Variants in CYP2F1 observed in about 807,000 individuals in gnomAD.
CYP2F1 encodes cytochrome P450 family 2 subfamily F member 1, also known as cytochrome P450 2F1.
Under a neutral mutation model 40.4 loss-of-function variants are expected in CYP2F1, and 33 were observed. That is an observed-to-expected ratio of 0.82 (90% CI 0.62 to 1.09). The LOEUF (loss-of-function observed/expected upper bound fraction) is 1.09, where lower values mean the gene tolerates loss of function less well. Ranked by LOEUF, CYP2F1 falls within the 50% of genes least tolerant of loss-of-function variation. The pLI, the probability that CYP2F1 is intolerant of heterozygous loss-of-function variation, is 0.00. For synonymous variants in CYP2F1, 235 were observed against 277.2 expected (o/e 0.85, Z 1.51); for missense variants, 566 against 655.7 (o/e 0.86, Z 1.49).
chr19:41,126,437 A>G (rs1267746684), intron 9 of CYP2F1, among the ~76,000 whole-genome samples: 1 of 151,378 alleles, frequency 6.6e-6, no homozygotes, highest in Non-Finnish European at 1.5e-5. Flanking sequence ...AAAAATGAAT[A>G]AATAATAATT....
chr19:41,119,212 T>C (rs2031993307), intron 3 of CYP2F1, among the ~76,000 whole-genome samples: 1 of 152,212 alleles, frequency 6.6e-6, no homozygotes, highest in South Asian at 2.1e-4. Context: ...TGTGCAAAGA[T>C]TCTGGGTCCA....
intron 6 of CYP2F1, 117 bp from the exon 7 acceptor site, chr19:41,122,705 C>T: frequency 1.8e-6 from 2 of 1,108,058 alleles, no homozygotes; most frequent in Non-Finnish European, 2.5e-6. Flanking sequence ...CCAGCTCTCC[C>T]AGGGAAAGAA....
chr19:41,125,447 C>T, intron 8 of CYP2F1, 46 bp from the exon 9 acceptor site: 2 of 1,072,742 alleles, frequency 1.9e-6, no homozygotes, highest in Non-Finnish European at 2.7e-6. Context: ...GTTTGGGAGC[C>T]TCCCAGCCCT....
chr19:41,122,785 A>T (rs1328298893), intron 6 of CYP2F1, 37 bp from the exon 7 acceptor site: 28 of 1,512,608 alleles, frequency 1.9e-5, no homozygotes, highest in Admixed American at 2.3e-5. Flanking sequence ...AGGGGCCTCC[A>T]TTCCTGGCTC....
At chr19:41,120,288 G>C in intron 3 of CYP2F1, 59 bp from the exon 4 acceptor site, 1 of 1,496,204 alleles carries the variant, frequency 6.7e-7, no homozygotes, top group Non-Finnish European at 9.0e-7. Flanking sequence ...AGGGGACCTG[G>C]GTGGCAGTGG....
intron 3 of CYP2F1, among the ~76,000 whole-genome samples, chr19:41,118,471 G>GTACAATAT (rs11282025): frequency 0.1 from 15,711 of 151,750 alleles, 962 homozygotes; most frequent in Middle Eastern, 0.16. Context: ...GAGAGCTCTG[G>GTACAATAT]TACAATATTA....
In CYP2F1 at chr19:41,128,112, G is replaced by A. The variant is rs780218552; in HGVS notation, c.*30G>A. 6.3e-7 allele frequency: 1 copy of A among 1,585,468 alleles called. No individual in the cohort carries two copies. Among genetic ancestry groups the A allele is most frequent in the Non-Finnish European group, 8.6e-7 (1 of 1,165,664 alleles). ...CCGGCCCTTCCAGATTCGCCTGTGA[G>A]CGATGAGGCCCGCCCATGCGGGTTG... On this transcript the variant is annotated 3_prime_UTR_variant, in exon 10 of 10. Transcript: ENST00000331105.
intron 7 of CYP2F1, among the ~76,000 whole-genome samples, 167 bp from the exon 8 acceptor site, chr19:41,124,552 C>T (rs1427641739): frequency 6.6e-6 from 1 of 152,160 alleles, no homozygotes; most frequent in African/African-American, 2.4e-5. Flanking sequence ...CGTGAGCCAC[C>T]GCGCCCGGCC....
chr19:41,128,147 C>T lies in CYP2F1; in HGVS notation c.*65C>T. On this transcript the variant is annotated 3_prime_UTR_variant, in exon 10 of 10. Coordinates refer to ENST00000331105, the MANE Select transcript of CYP2F1 (RefSeq NM_000774.5). ...CCGCCCATGCGGGTTGCTACGTCCC[C>T]TTCTTGGTCCACAGTCTGCCCTCAT... The T allele has an allele frequency of 1.3e-6, 2 of 1,494,410 alleles. No homozygotes were observed. The highest frequency in any genetic ancestry group is 1.8e-6 in the Non-Finnish European group (2 of 1,106,532). 92.6% of individuals were successfully genotyped at this position (1,494,410 alleles called of 1,614,324 possible).
At chr19:41,122,162 A>T in intron 6 of CYP2F1, 29 bp downstream of exon 6, 1 of 1,533,648 alleles carries the variant, frequency 6.5e-7, no homozygotes, top group Non-Finnish European at 8.9e-7. Context: ...TCCCACCTCT[A>T]GTCTGACCTG....
At chr19:41,119,723 C>CTCTATATATATA (rs1478574507) in intron 3 of CYP2F1, among the ~76,000 whole-genome samples, 5 of 35,826 alleles carry the variant, frequency 1.4e-4, no homozygotes, top group Non-Finnish European at 2.1e-4. Flanking sequence ...CTCTCTCTCT[C>CTCTATATATATA]TATATATATA....
Position 41,121,581 on chromosome 19 carries a change from A to G in CYP2F1, c.608A>G (p.Asn203Ser), listed in dbSNP as rs143213883. 190 of 1,610,324 alleles carry G rather than the reference A, an allele frequency of 1.2e-4. 14 individuals carry two copies. In the African/African-American group the frequency reaches 2.5e-3, roughly 21 times the overall value. ...CTGCTCACCATTATCCGCCTTATCAATGACAACTTCCAAATCATGAGCAGC... is the reference window on the plus strand; with the variant it reads ...CTGCTCACCATTATCCGCCTTATCAGTGACAACTTCCAAATCATGAGCAGC... Reference protein sequence around the residue: ...ERLLTIIRLINDNFQIMSSPW... With the variant: ...ERLLTIIRLISDNFQIMSSPW... Residue 203 changes from asparagine to serine, a missense_variant, in exon 5 of 10, where the codon AAT (asparagine) becomes AGT (serine). Asn to Ser is a conservative substitution (Grantham distance 46, BLOSUM62 1). Around this residue, in one of 5 missense-constraint regions of CYP2F1, gnomAD observed 264 missense variants for 275.7 expected, o/e 0.96. Coordinates refer to ENST00000331105, the MANE Select transcript of CYP2F1 (RefSeq NM_000774.5).
At position 41,120,781 on chromosome 19, in the gene CYP2F1, C is replaced by T. The variant is rs530927410; in HGVS notation, c.484+285C>T. ...ATAGGCATACACCACCATGTCTGGC[C>T]AGGTCTTTGAATCCAGTTCATCCTT... is the stretch of plus-strand genomic sequence containing the variant. On this transcript the variant is annotated intron_variant, in intron 4 of 9. Coordinates refer to ENST00000331105, the MANE Select transcript of CYP2F1 (RefSeq NM_000774.5). 2.9e-4 allele frequency among the ~76,000 whole-genome samples: 44 copies of T among 152,002 alleles called. No homozygotes were observed. In the Middle Eastern group the frequency reaches 0.01, roughly 35 times the overall value.
At chr19:41,124,219 G>A (rs1014518684) in intron 7 of CYP2F1, among the ~76,000 whole-genome samples, 1 of 139,892 alleles carries the variant, frequency 7.1e-6, no homozygotes, top group African/African-American at 2.8e-5. Context: ...CCCAGACCCT[G>A]GCTAATTCTT....
chr19:41,121,841 C>T lies in CYP2F1; in HGVS notation c.646-116C>T, dbSNP rs931814598. On this transcript the variant is annotated intron_variant, in intron 5 of 9. Coordinates refer to ENST00000331105, the MANE Select transcript of CYP2F1 (RefSeq NM_000774.5). Reference sequence around the variant, plus strand: ...TCCCCCTCAGCCCCAACCCCCACCCCGGACCTGGCTGCCCTTTGAGACCCT... The same window carrying T: ...TCCCCCTCAGCCCCAACCCCCACCCTGGACCTGGCTGCCCTTTGAGACCCT... The T allele has an allele frequency of 2.3e-5, 24 of 1,061,564 alleles. 1 individual carries two copies. The highest frequency in any genetic ancestry group is 2.1e-4 in the African/African-American group (10 of 47,688). 65.8% of individuals were successfully genotyped at this position (1,061,564 alleles called of 1,614,324 possible).
At chr19:41,122,556 C>G (rs1307861544) in intron 6 of CYP2F1, among the ~76,000 whole-genome samples, 1 of 151,674 alleles carries the variant, frequency 6.6e-6, no homozygotes, top group Non-Finnish European at 1.5e-5. Flanking sequence ...ATCATACATA[C>G]ATACACACAT....
At chr19:41,125,206 G>C in intron 8 of CYP2F1, 4 of 593,710 alleles carry the variant, frequency 6.7e-6, no homozygotes, top group East Asian at 2.9e-5. Flanking sequence ...GGGCCTAAAC[G>C]CTATTCTCAG....
At chr19:41,119,738 TATATATATATACACACACAC>T (rs1207000980) in intron 3 of CYP2F1, among the ~76,000 whole-genome samples, 8 of 73,338 alleles carry the variant, frequency 1.1e-4, no homozygotes, top group Admixed American at 8.0e-4. Flanking sequence ...TATATATATA[TATATATATATACACACACAC>T]ACACACACAC....
chr19:41,118,613 C>A (rs565305859), intron 3 of CYP2F1, among the ~76,000 whole-genome samples: 1 of 152,308 alleles, frequency 6.6e-6, no homozygotes, highest in East Asian at 1.9e-4. Context: ...GAGAAAGTCA[C>A]CTTGCTACTT....
Sources: allele counts gnomAD v4.1 joint callset (sites outside exome capture counted in the v4.1 genomes callset), GRCh38; gene constraint gnomAD v4.1.1; regional missense constraint gnomAD v4.1.1; transcripts MANE v1.5; gene names NCBI Gene and HGNC (gene_info 2026-07-23, HGNC 2026-07-21).